The following CTNNA3 variants were observed in gnomAD, a reference collection of about 807,000 sequenced individuals.
CTNNA3 encodes the protein catenin alpha-3.
Under a neutral mutation model 95.7 loss-of-function variants are expected in CTNNA3, and 76 were observed. That is an observed-to-expected ratio of 0.79 (90% CI 0.66 to 0.96). The LOEUF (loss-of-function observed/expected upper bound fraction) is 0.96, where lower values mean the gene tolerates loss of function less well. Ranked by LOEUF, CTNNA3 falls within the 40% of genes least tolerant of loss-of-function variation. CTNNA3 has a pLI of 0.00. For missense variants in CTNNA3, 1,191 were observed against 1,089.8 expected (o/e 1.09, Z -1.31); for synonymous variants, 431 against 374.4 (o/e 1.15, Z -1.74).
At chr10:66,973,436 C>T (rs943026008) in intron 7 of CTNNA3, among the ~76,000 whole-genome samples, 39 of 152,230 alleles carry the variant, frequency 2.6e-4, no homozygotes, top group Non-Finnish European at 2.9e-5. Context: ...AATAAAGTAT[C>T]TGTAAGCTTA....
At chr10:67,497,843 A>T (rs1839078688) in intron 5 of CTNNA3, among the ~76,000 whole-genome samples, 1 of 152,206 alleles carries the variant, frequency 6.6e-6, no homozygotes, top group South Asian at 2.1e-4. Flanking sequence ...GCCCTTTGTC[A>T]GATGGATAGG....
At chr10:66,131,359 A>G (rs1340301460) in intron 13 of CTNNA3, among the ~76,000 whole-genome samples, 1 of 152,170 alleles carries the variant, frequency 6.6e-6, no homozygotes, top group Non-Finnish European at 1.5e-5. Context: ...CAAAAAACTA[A>G]CCCACCACAA....
At chr10:66,217,633 G>T (rs972802830) in intron 13 of CTNNA3, among the ~76,000 whole-genome samples, 1 of 152,106 alleles carries the variant, frequency 6.6e-6, no homozygotes, top group African/African-American at 2.4e-5. Flanking sequence ...TCATTGTTCT[G>T]TGGTAAATAT....
At chr10:67,569,064 C>T (rs1280591702) in intron 3 of CTNNA3, among the ~76,000 whole-genome samples, 1 of 152,062 alleles carries the variant, frequency 6.6e-6, no homozygotes, top group Non-Finnish European at 1.5e-5. Context: ...TGCATTGTGT[C>T]CTGTAGCTGG....
chr10:67,082,257 T>G (rs1857093128), intron 7 of CTNNA3, among the ~76,000 whole-genome samples: 1 of 152,224 alleles, frequency 6.6e-6, no homozygotes, highest in Admixed American at 6.5e-5. Flanking sequence ...TTAGTTGGTT[T>G]TAACCGCTGC....
intron 11 of CTNNA3, among the ~76,000 whole-genome samples, chr10:66,510,866 C>A (rs576670754): frequency 1.3e-5 from 2 of 151,416 alleles, no homozygotes; most frequent in South Asian, 4.2e-4. Context: ...TTTGTTGTGC[C>A]CTTGTCTGGT....
intron 11 of CTNNA3, among the ~76,000 whole-genome samples, chr10:66,432,721 G>C (rs2131753079): frequency 6.6e-6 from 1 of 150,776 alleles, no homozygotes; most frequent in Admixed American, 6.6e-5. Context: ...TTGTTACATA[G>C]GCATACTTGT....
intron 12 of CTNNA3, among the ~76,000 whole-genome samples, chr10:66,342,842 T>A (rs1199876334): frequency 6.6e-6 from 1 of 152,114 alleles, no homozygotes; most frequent in Admixed American, 6.6e-5. Flanking sequence ...GATATTATCT[T>A]TGTCGTATTA....
chr10:67,049,617 C>G (rs893015272), intron 7 of CTNNA3, among the ~76,000 whole-genome samples: 1 of 151,950 alleles, frequency 6.6e-6, no homozygotes, highest in Admixed American at 6.6e-5. Flanking sequence ...AAATAAACAA[C>G]AAAACTAAAA....
intron 7 of CTNNA3, among the ~76,000 whole-genome samples, chr10:67,135,411 A>G (rs142941550): frequency 1.1e-4 from 16 of 152,308 alleles, no homozygotes; most frequent in Non-Finnish European, 1.0e-4. Context: ...ACAATGGCTC[A>G]TGCCTGCAAT....
intron 2 of CTNNA3, among the ~76,000 whole-genome samples, chr10:67,640,050 C>G (rs913775227): frequency 3.3e-5 from 5 of 152,096 alleles, no homozygotes; most frequent in South Asian, 2.1e-4. Context: ...ATTAGGAAAA[C>G]AGGAAGTCAA....
At chr10:66,417,825 A>G (rs2093159278) in intron 11 of CTNNA3, among the ~76,000 whole-genome samples, 1 of 151,982 alleles carries the variant, frequency 6.6e-6, no homozygotes. Context: ...AATGAAAATG[A>G]AAACAAAATA....
At chr10:67,159,934 T>C (rs1331176019) in intron 7 of CTNNA3, among the ~76,000 whole-genome samples, 2 of 152,170 alleles carry the variant, frequency 1.3e-5, no homozygotes, top group Non-Finnish European at 2.9e-5. Context: ...AGACACAACC[T>C]ATAGAATGGA....
intron 13 of CTNNA3, among the ~76,000 whole-genome samples, chr10:66,156,964 C>T (rs749602927): frequency 2.6e-5 from 4 of 151,900 alleles, no homozygotes; most frequent in Non-Finnish European, 4.4e-5. Context: ...ATGAGGAGGA[C>T]GTAACCTATT....
At chr10:66,062,392 T>C (rs1564612036) in intron 15 of CTNNA3, among the ~76,000 whole-genome samples, 1 of 152,054 alleles carries the variant, frequency 6.6e-6, no homozygotes, top group Non-Finnish European at 1.5e-5. Flanking sequence ...TACTAGCTGA[T>C]AAATACTGCA....
At chr10:66,685,178 C>T (rs1269518608) in intron 9 of CTNNA3, among the ~76,000 whole-genome samples, 3 of 126,484 alleles carry the variant, frequency 2.4e-5, no homozygotes, top group South Asian at 5.1e-4. Flanking sequence ...TATATATACA[C>T]ATATATATAT....
intron 11 of CTNNA3, among the ~76,000 whole-genome samples, chr10:66,398,625 A>C (rs2092997528): frequency 6.6e-6 from 1 of 151,942 alleles, no homozygotes; most frequent in African/African-American, 2.4e-5. Context: ...TAGAAATGAG[A>C]GGTACAGTAT....
intron 6 of CTNNA3, among the ~76,000 whole-genome samples, chr10:67,213,575 G>C (rs1183153539): frequency 6.6e-6 from 1 of 151,600 alleles, no homozygotes; most frequent in Non-Finnish European, 1.5e-5. Flanking sequence ...AGCATGTATA[G>C]GTGAGAAATT....
intron 13 of CTNNA3, among the ~76,000 whole-genome samples, chr10:66,142,033 T>C (rs2083644905): frequency 6.6e-6 from 1 of 152,204 alleles, no homozygotes; most frequent in South Asian, 2.1e-4. Context: ...TTATCAATGC[T>C]TTCTTTCATG....
Sources: gnomAD v4.1 joint callset for allele counts (sites outside exome capture counted in the v4.1 genomes callset) on GRCh38, gnomAD v4.1.1 for gene constraint, MANE v1.5 for transcripts, NCBI Gene and HGNC (gene_info 2026-07-23, HGNC 2026-07-21) for gene names.